FMN1: variants seen among roughly 807,000 people sequenced by gnomAD.
The protein encoded by FMN1 is formin-1.
A neutral mutation model predicts 132.4 loss-of-function variants in FMN1; 110 were observed. That is an observed-to-expected ratio of 0.83 (90% CI 0.71 to 0.97). The LOEUF is 0.97. FMN1 is among the 50% of genes least tolerant of loss of function. FMN1 has a pLI of 0.00. For missense variants in FMN1, 1,792 were observed against 1,705.3 expected (o/e 1.05, Z -0.90); for synonymous variants, 722 against 651.7 (o/e 1.11, Z -1.64).
intron 9 of FMN1, among the ~76,000 whole-genome samples, chr15:32,927,212 TAATATA>T (rs2060983636): frequency 2.6e-5 from 4 of 152,180 alleles, no homozygotes; most frequent in Admixed American, 2.6e-4. Context: ...TTGTTATTAT[TAATATA>T]AACAATATAA....
chr15:33,153,148 G>A lies in FMN1; in HGVS notation c.1767C>T (p.Phe589=), dbSNP rs1395952801. The A allele has an allele frequency of 3.3e-6, 5 of 1,536,156 alleles. No homozygotes were observed. In the South Asian group the frequency reaches 5.9e-5, roughly 18 times the overall value. ...VTETKGASPA[F]LRAGQPRLVP... ...CCAACCGAGGTTGGCCTGCTCTGAG[G>A]AAGGCCGGGCTGGCTCCTTTGGTCT... The change falls in exon 4 of 21, where the codon TTC becomes TTT. Residue 589 remains phenylalanine, a synonymous_variant. Coordinates refer to ENST00000616417, the MANE Select transcript of FMN1 (RefSeq NM_001277313.2).
At chr15:33,107,411 C>G (rs145123984) in intron 4 of FMN1, among the ~76,000 whole-genome samples, 1 of 152,082 alleles carries the variant, frequency 6.6e-6, no homozygotes, top group Non-Finnish European at 1.5e-5. Flanking sequence ...GGCTTCCCAT[C>G]ATAGTTAAAA....
At position 32,969,171 on chromosome 15, in the gene FMN1, G is replaced by T. The variant is rs1050585635; in HGVS notation, c.2530C>A (p.Pro844Thr). The T allele has an allele frequency of 3.1e-6, 5 of 1,613,796 alleles. No individual in the cohort carries two copies. The African/African-American group carries it at 4.0e-5, about 13-fold the overall frequency. ...GCATGGATGTCTTTGTGGTCATTTG[G>T]GGGTGAGAGCTGGCTTAAAGAGGAG... The part of the protein sequence containing the change: ...NISSLSQLSP[P>T]NDHKDIHAAL... Residue 844 changes from proline (P) to threonine (T), a missense_variant, in exon 8 of 21, where the codon CCA becomes ACA. Transcript: ENST00000616417.
chr15:32,875,718 A>G (rs1397085474), intron 16 of FMN1, among the ~76,000 whole-genome samples: 2 of 152,250 alleles, frequency 1.3e-5, no homozygotes, highest in Non-Finnish European at 2.9e-5. Flanking sequence ...GTTGACTGAC[A>G]TGAGAAGAAT....
intron 16 of FMN1, among the ~76,000 whole-genome samples, chr15:32,877,561 G>C (rs140179429): frequency 2.0e-5 from 3 of 152,242 alleles, no homozygotes; most frequent in African/African-American, 7.2e-5. Context: ...AGCATAGTAA[G>C]AATAATCATC....
intron 3 of FMN1, among the ~76,000 whole-genome samples, chr15:33,161,931 G>A (rs74381513): frequency 1.7e-4 from 25 of 146,326 alleles, no homozygotes; most frequent in East Asian, 6.3e-4. Context: ...AAACAAAAAA[G>A]AAAAAAAAAA....
chr15:33,065,906 C>A (rs1244344217), intron 5 of FMN1, among the ~76,000 whole-genome samples: 1 of 152,130 alleles, frequency 6.6e-6, no homozygotes, highest in African/African-American at 2.4e-5. Flanking sequence ...ATTCTCATAA[C>A]AACCATATAA....
intron 16 of FMN1, among the ~76,000 whole-genome samples, chr15:32,875,310 A>G (rs1451891): frequency 0.54 from 82,583 of 151,806 alleles, 22,792 homozygotes; most frequent in African/African-American, 0.61. Context: ...ATAATATGCC[A>G]CCTCCTACTT....
intron 15 of FMN1, among the ~76,000 whole-genome samples, chr15:32,895,375 A>C (rs1207914281): frequency 6.6e-6 from 1 of 152,088 alleles, no homozygotes; most frequent in African/African-American, 2.4e-5. Flanking sequence ...AAAAAAACAA[A>C]AACACAACCT....
chr15:33,083,350 C>T (rs1371147672), intron 5 of FMN1, among the ~76,000 whole-genome samples: 1 of 152,126 alleles, frequency 6.6e-6, no homozygotes, highest in Non-Finnish European at 1.5e-5. Context: ...TCAGAACAAG[C>T]CCCTTTCAAC....
chr15:32,988,048 AG>A (rs1279067785), intron 7 of FMN1, among the ~76,000 whole-genome samples: 11 of 94,460 alleles, frequency 1.2e-4, no homozygotes, highest in Non-Finnish European at 1.4e-4. Context: ...CTGTCTCTCC[AG>A]TTTTTTTTTT....
intron 4 of FMN1, chr15:33,150,290 T>TG: frequency 1.0e-6 from 1 of 985,426 alleles, no homozygotes; most frequent in Middle Eastern, 5.2e-4. Flanking sequence ...CCTCAAGGTT[T>TG]GGGGGAAGAC....
rs1374695621 is a variant in FMN1 at position 33,088,873 on chromosome 15, C to A, written c.1969G>T (p.Gly657Ter). The stretch of plus-strand genomic sequence containing the variant: ...TGAAGCAAAAATGGACAGGCTGGTC[C>A]CGCTCTGTAGCCCAGAACCCACGCG... The part of the protein sequence containing the change: ...GGAWVLGYRA[G>*]PACPFLLHEE... Residue 657 changes from glycine to a stop codon, truncating the protein, a stop_gained, in exon 5 of 21, where the codon GGA becomes TGA. Transcript: ENST00000616417. LOFTEE classifies it high-confidence loss of function. The A allele has an allele frequency of 5.2e-6, 8 of 1,535,960 alleles. No homozygotes were observed. The East Asian group carries it at 2.0e-4, about 38-fold the overall frequency.
intron 4 of FMN1, among the ~76,000 whole-genome samples, chr15:33,127,427 G>T (rs1214688433): frequency 6.6e-6 from 1 of 152,152 alleles, no homozygotes; most frequent in Non-Finnish European, 1.5e-5. Flanking sequence ...CTATTTCCTT[G>T]AGTTAATGAG....
intron 3 of FMN1, among the ~76,000 whole-genome samples, chr15:33,159,432 A>G (rs931023857): frequency 6.6e-6 from 1 of 152,242 alleles, no homozygotes; most frequent in African/African-American, 2.4e-5. Flanking sequence ...CAACACTGCT[A>G]GATGCAAAGG....
intron 2 of FMN1, among the ~76,000 whole-genome samples, chr15:33,182,654 C>T (rs1965744278): frequency 6.6e-6 from 1 of 152,198 alleles, no homozygotes; most frequent in Non-Finnish European, 1.5e-5. Context: ...AGATACCATG[C>T]ATCTCAGCGG....
intron 5 of FMN1, among the ~76,000 whole-genome samples, chr15:33,070,035 C>T (rs1016734689): frequency 4.0e-5 from 4 of 99,598 alleles, no homozygotes; most frequent in South Asian, 3.5e-4. Context: ...GACCGAGTTT[C>T]GCTCTTCTTG....
intron 16 of FMN1, among the ~76,000 whole-genome samples, chr15:32,878,729 G>A (rs543354): frequency 0.095 from 14,504 of 152,102 alleles, 1,550 homozygotes; most frequent in African/African-American, 0.26. Flanking sequence ...ATTTGCCAAG[G>A]GTTACAAAGC....
chr15:32,944,970 G>A (rs868067746), intron 9 of FMN1, among the ~76,000 whole-genome samples: 1 of 152,084 alleles, frequency 6.6e-6, no homozygotes, highest in Non-Finnish European at 1.5e-5. Context: ...TTGGCCCTGC[G>A]AACAGCTTTG....
Sources: gnomAD v4.1 joint callset for allele counts (sites outside exome capture counted in the v4.1 genomes callset) on GRCh38, gnomAD v4.1.1 for gene constraint, MANE v1.5 for transcripts, NCBI Gene and HGNC (gene_info 2026-07-23, HGNC 2026-07-21) for gene names.